Variants in GRIK4 observed in about 807,000 individuals in gnomAD.
GRIK4 encodes glutamate ionotropic receptor kainate type subunit 4.
A neutral mutation model predicts 104.9 loss-of-function variants in GRIK4; 40 were observed. The ratio of observed to expected loss-of-function variants is 0.38; its 90% CI spans 0.30 to 0.50. The LOEUF (loss-of-function observed/expected upper bound fraction) is 0.50. Ranked by LOEUF, GRIK4 falls within the 20% of genes least tolerant of loss-of-function variation. The pLI, the probability that GRIK4 is intolerant of heterozygous loss-of-function variation, is 0.93. For missense variants in GRIK4, 1,047 were observed against 1,308.1 expected, an observed-to-expected ratio of 0.80 and a Z score of 3.08; for synonymous variants, 485 against 524.9, an observed-to-expected ratio of 0.92 and a Z score of 1.04.
At chr11:120,774,965 A>G (rs947841656) in intron 3 of GRIK4, among the ~76,000 whole-genome samples, 1 of 152,202 alleles carries the variant, frequency 6.6e-6, no homozygotes, top group Non-Finnish European at 1.5e-5. Flanking sequence ...GACGAGATAA[A>G]GATGGGGCTA....
In GRIK4 at chr11:120,694,110, C is replaced by T. The variant is rs531603157; in HGVS notation, c.82+33710C>T. ...ACTGCAAGTGCCCATGGCATCTGGA[C>T]GAGACGTCCAGTAGACAGCTGGATG... On this transcript the variant is annotated intron_variant, in intron 3 of 20. Coordinates refer to ENST00000527524, the MANE Select transcript of GRIK4 (RefSeq NM_014619.5). Among the ~76,000 whole-genome samples, 5 of 152,200 alleles carry T rather than the reference C, an allele frequency of 3.3e-5. No individual in the cohort carries two copies. In the South Asian group the frequency reaches 1.0e-3, roughly 32 times the overall value.
At chr11:120,741,102 C>T (rs1329935643) in intron 3 of GRIK4, among the ~76,000 whole-genome samples, 3 of 152,094 alleles carry the variant, frequency 2.0e-5, no homozygotes, top group Non-Finnish European at 4.4e-5. Flanking sequence ...ATTGCTAGCA[C>T]TGAGAATTTA....
At chr11:120,648,986 C>T (rs532819887) in intron 1 of GRIK4, among the ~76,000 whole-genome samples, 14 of 152,302 alleles carry the variant, frequency 9.2e-5, no homozygotes, top group African/African-American at 2.2e-4. Context: ...CCTTGGCCCC[C>T]GAGGGAGCCT....
chr11:120,741,747 T>TATACATGCACGC (rs1401051453), intron 3 of GRIK4, among the ~76,000 whole-genome samples: 2 of 152,186 alleles, frequency 1.3e-5, no homozygotes, highest in Non-Finnish European at 2.9e-5. Flanking sequence ...TGGATATCAG[T>TATACATGCACGC]ATACATGCAC....
intron 1 of GRIK4, among the ~76,000 whole-genome samples, chr11:120,619,026 G>A (rs1006447598): frequency 1.3e-5 from 2 of 152,162 alleles, no homozygotes; most frequent in Non-Finnish European, 2.9e-5. Flanking sequence ...CCAGCAGCTT[G>A]TATCTTGTGC....
intron 3 of GRIK4, among the ~76,000 whole-genome samples, chr11:120,697,485 T>A (rs920896314): frequency 6.6e-6 from 1 of 152,078 alleles, no homozygotes; most frequent in Admixed American, 6.5e-5. Flanking sequence ...TACGGTGGCA[T>A]GCGCCTGTAA....
intron 8 of GRIK4, among the ~76,000 whole-genome samples, chr11:120,837,543 A>G (rs1170639699): frequency 1.3e-5 from 2 of 152,292 alleles, no homozygotes; most frequent in African/African-American, 4.8e-5. Context: ...CACACATATT[A>G]TATGCGCGTA....
rs1942643189 is a variant in GRIK4, at chr11:120,898,446, C to T, written c.1165-86C>T. On this transcript the variant is annotated intron_variant, in intron 11 of 20. Transcript: ENST00000527524. ...CACCCCTCCCTGCTCACATGCAGCC[C>T]AGCCAGAGGCAGAGGTCAGCCTCTT... 5 of 760,626 alleles carry T rather than the reference C, an allele frequency of 6.6e-6. No individual in the cohort carries two copies. The South Asian group carries it at 7.6e-5, about 12-fold the overall frequency. The allele number at this position is 760,626 out of a possible 1,614,324, so 47.1% of individuals were successfully genotyped here.
intron 6 of GRIK4, among the ~76,000 whole-genome samples, chr11:120,831,543 G>A (rs1953427647): frequency 6.6e-6 from 1 of 152,210 alleles, no homozygotes; most frequent in Non-Finnish European, 1.5e-5. Context: ...TTCGAGGGTG[G>A]TGGGGAGGAG....
intron 3 of GRIK4, among the ~76,000 whole-genome samples, chr11:120,789,152 C>T (rs1192205451): frequency 2.0e-5 from 3 of 152,126 alleles, no homozygotes; most frequent in Non-Finnish European, 4.4e-5. Context: ...CCTGGGGACT[C>T]CCGGGTCTCC....
chr11:120,743,114 C>T (rs1951369793), intron 3 of GRIK4, among the ~76,000 whole-genome samples: 1 of 151,896 alleles, frequency 6.6e-6, no homozygotes, highest in African/African-American at 2.4e-5. Context: ...CCTGTAATCC[C>T]AGCTACTCGG....
At chr11:120,744,638 G>T (rs1338401606) in intron 3 of GRIK4, among the ~76,000 whole-genome samples, 2 of 152,148 alleles carry the variant, frequency 1.3e-5, no homozygotes, top group African/African-American at 2.4e-5. Flanking sequence ...GACACGGGTA[G>T]GGTAGAAAGT....
intron 4 of GRIK4, among the ~76,000 whole-genome samples, chr11:120,813,272 C>T (rs778608690): frequency 6.6e-6 from 1 of 152,030 alleles, no homozygotes; most frequent in Non-Finnish European, 1.5e-5. Flanking sequence ...GTGACCAGAG[C>T]GGAGGCACTT....
At chr11:120,935,917 A>G (rs761025886) in intron 13 of GRIK4, among the ~76,000 whole-genome samples, 2 of 152,206 alleles carry the variant, frequency 1.3e-5, no homozygotes, top group Non-Finnish European at 2.9e-5. Context: ...TTAAAAAACA[A>G]ATCCTACGTA....
chr11:120,779,701 C>T (rs1403973577), intron 3 of GRIK4, among the ~76,000 whole-genome samples: 1 of 152,124 alleles, frequency 6.6e-6, no homozygotes, highest in Non-Finnish European at 1.5e-5. Flanking sequence ...TTGGTTTTTC[C>T]CTCTATACCT....
At chr11:120,566,134 A>G (rs991325667) in intron 1 of GRIK4, among the ~76,000 whole-genome samples, 3 of 152,248 alleles carry the variant, frequency 2.0e-5, no homozygotes, top group Non-Finnish European at 4.4e-5. Flanking sequence ...CTATTACCCT[A>G]GGCCTCAGAT....
At chr11:120,920,642 G>A (rs759738925) in intron 13 of GRIK4, among the ~76,000 whole-genome samples, 7 of 151,538 alleles carry the variant, frequency 4.6e-5, no homozygotes, top group Admixed American at 4.6e-4. Flanking sequence ...AGGAGGTGGG[G>A]GTGTCTGAGC....
At chr11:120,852,862 G>A (rs1196805893) in intron 8 of GRIK4, among the ~76,000 whole-genome samples, 1 of 152,198 alleles carries the variant, frequency 6.6e-6, no homozygotes, top group Non-Finnish European at 1.5e-5. Flanking sequence ...TGAGACAAGG[G>A]TCTGGGGCCT....
chr11:120,698,698 G>A (rs1273588233), intron 3 of GRIK4, among the ~76,000 whole-genome samples: 1 of 152,136 alleles, frequency 6.6e-6, no homozygotes, highest in Non-Finnish European at 1.5e-5. Context: ...CTGCCAGTTT[G>A]CAGTGCAGTT....
Sources: allele counts gnomAD v4.1 joint callset (sites outside exome capture counted in the v4.1 genomes callset), GRCh38; gene constraint gnomAD v4.1.1; transcripts MANE v1.5; gene names NCBI Gene and HGNC (gene_info 2026-07-23, HGNC 2026-07-21).